Variants in LAMC3 observed in about 807,000 individuals in gnomAD.
LAMC3 encodes laminin subunit gamma-3.
Under a neutral mutation model 173.8 loss-of-function variants are expected in LAMC3, and 128 were observed. The ratio of observed to expected loss-of-function variants is 0.74; its 90% confidence interval spans 0.64 to 0.85. The LOEUF is 0.85. Among genes scored for constraint, LAMC3 ranks in the 40% least tolerant of loss-of-function variants. The probability of loss-of-function intolerance (pLI) is 0.00; values close to 1 mark genes in which losing one functional copy is unlikely to be tolerated. For synonymous variants in LAMC3, 897 were observed against 909.1 expected, an observed-to-expected ratio of 0.99 and a Z score of 0.24; for missense variants, 2,022 against 2,156.0, an observed-to-expected ratio of 0.94 and a Z score of 1.23.
intron 2 of LAMC3, among the ~76,000 whole-genome samples, chr9:131,031,429 C>T (rs1396637882): frequency 1.3e-5 from 2 of 152,326 alleles, no homozygotes; most frequent in Admixed American, 6.5e-5. Context: ...GAACAAGGGG[C>T]CACAAGTCCC....
intron 21 of LAMC3, 48 bp downstream of exon 21, chr9:131,076,013 G>T (rs1376959175): frequency 6.5e-7 from 1 of 1,547,682 alleles, no homozygotes; most frequent in African/African-American, 1.3e-5. Flanking sequence ...TGGCCTCCTG[G>T]AGCCAACAGG....
In LAMC3 at chr9:131,069,653, C is replaced by T; in HGVS notation, c.2891-19C>T. 6.3e-7 allele frequency: 1 copy of T among 1,594,730 alleles called. No homozygotes were observed. Among genetic ancestry groups the T allele is most frequent in the Non-Finnish European group, 8.5e-7 (1 of 1,172,226 alleles). Reference sequence around the variant, plus strand: ...CTGGCCCCTCTAAACCCAGCACGCACTGCCCCTGGCCCCTCTAGCCTGCAG... The same window carrying T: ...CTGGCCCCTCTAAACCCAGCACGCATTGCCCCTGGCCCCTCTAGCCTGCAG... On this transcript the variant is annotated intron_variant, in intron 16 of 27. Transcript: ENST00000361069.
Position 131,068,062 on chromosome 9 carries a change from C to T in LAMC3, c.2594-16C>T. ...TCTGCATTGTTCCCAACACCCCTTCCTGCTCCTGCCCCCAGCTTGCAGCTG... is the reference window on the plus strand; with the variant it reads ...TCTGCATTGTTCCCAACACCCCTTCTTGCTCCTGCCCCCAGCTTGCAGCTG... On this transcript the variant is annotated splice_polypyrimidine_tract_variant and intron_variant, in intron 14 of 27. Coordinates refer to ENST00000361069, the MANE Select transcript of LAMC3 (RefSeq NM_006059.4). 3 of 1,608,030 alleles carry T rather than the reference C, an allele frequency of 1.9e-6. No homozygotes were observed. Among genetic ancestry groups the T allele is most frequent in the Non-Finnish European group, 2.5e-6 (3 of 1,180,008 alleles).
intron 2 of LAMC3, among the ~76,000 whole-genome samples, chr9:131,030,545 A>G (rs184129438): frequency 7.2e-5 from 11 of 152,322 alleles, no homozygotes; most frequent in Admixed American, 5.9e-4. Context: ...TCTGCCATGC[A>G]CTGGCTGTGC....
chr9:131,044,178 C>T (rs981746454), intron 7 of LAMC3, among the ~76,000 whole-genome samples: 10 of 151,700 alleles, frequency 6.6e-5, no homozygotes, highest in African/African-American at 2.4e-4. Flanking sequence ...AGGCTGATCT[C>T]GAACTGACCT....
intron 12 of LAMC3, 110 bp from the exon 13 acceptor site, chr9:131,060,924 AG>A (rs996599812): frequency 7.6e-5 from 82 of 1,078,678 alleles, no homozygotes; most frequent in Non-Finnish European, 9.8e-5. Flanking sequence ...TGCCTGGGAA[AG>A]GTCCCCACCC....
Position 131,026,018 on chromosome 9 carries a change from G to A in LAMC3, c.374-267G>A, listed in dbSNP as rs1445266900. Among the ~76,000 whole-genome samples the A allele has an allele frequency of 6.6e-6, 1 of 152,188 alleles. No individual in the cohort carries two copies. Among genetic ancestry groups the A allele is most frequent in the East Asian group, 1.9e-4 (1 of 5,200 alleles). ...AGCAAACAGAGATGGCTGCCTCTCA[G>A]GGGTGTTGCAACGGAGATTCCTGTG... On this transcript the variant is annotated intron_variant, in intron 1 of 27. Coordinates refer to ENST00000361069, the MANE Select transcript of LAMC3 (RefSeq NM_006059.4). This position sits in a 1 kb window ranked among gnomAD's most constrained non-coding sequence, Gnocchi z 4.8.
chr9:131,056,045 A>T (rs762064765), intron 11 of LAMC3, among the ~76,000 whole-genome samples: 6 of 151,894 alleles, frequency 4.0e-5, no homozygotes, highest in Non-Finnish European at 8.8e-5. Flanking sequence ...AAATTTAAAA[A>T]ATTAGCTGGG....
rs71501242 is a variant in LAMC3 at position 131,046,518 on chromosome 9, A to ATTTTTTTTTTTTTTTTTTTT, written c.1519+865_1519+884dup. On this transcript the variant is annotated intron_variant, in intron 8 of 27. Transcript: ENST00000361069. ...ACCACCATGCCGAGCTAATTTTTGT[A>ATTTTTTTTTTTTTTTTTTTT]TTTTTTTTTTTTTTTTTTTTTTTTT... is the stretch of plus-strand genomic sequence containing the variant. 8.5e-4 allele frequency among the ~76,000 whole-genome samples: 42 copies of ATTTTTTTTTTTTTTTTTTTT among 49,164 alleles called. 8 individuals carry two copies. The highest frequency in any genetic ancestry group is 1.4e-3 in the Admixed American group (4 of 2,768). 32.3% of individuals were successfully genotyped at this position (49,164 alleles called of 152,430 possible).
In LAMC3 at chr9:131,057,008, T is replaced by C. The variant is rs974717789; in HGVS notation, c.2019T>C (p.Cys673=). The C allele has an allele frequency of 2.5e-6, 4 of 1,614,028 alleles. No individual in the cohort carries two copies. The highest frequency in any genetic ancestry group is 3.4e-6 in the Non-Finnish European group (4 of 1,180,048). The change falls in exon 12 of 28, where the codon TGT becomes TGC. Residue 673 remains cysteine, a synonymous_variant. Transcript: ENST00000361069. ...LSPPASWVEI[C]SCPTGYTGQF... is the part of the protein sequence containing the mutation. Reference sequence around the variant, plus strand: ...CGCCAGCCTCCTGGGTGGAGATTTGTTCATGTCCCACTGGCTACACGGGCC... The same window carrying C: ...CGCCAGCCTCCTGGGTGGAGATTTGCTCATGTCCCACTGGCTACACGGGCC...
Position 131,026,711 on chromosome 9 carries a change from T to G in LAMC3, c.678+122T>G. 4 of 1,413,584 alleles carry G rather than the reference T, an allele frequency of 2.8e-6. No individual in the cohort carries two copies. In the South Asian group the frequency reaches 4.6e-5, roughly 16 times the overall value. The allele number at this position is 1,413,584 out of a possible 1,614,324, so 87.6% of individuals were successfully genotyped here. The stretch of plus-strand genomic sequence containing the variant: ...CCTGCAAAACCCCATGGTTTTCTTT[T>G]TCTTCTTTTATTTTTGGAGACTGAG... On this transcript the variant is annotated intron_variant, in intron 2 of 27. Transcript: ENST00000361069. This position sits in a 1 kb window ranked among gnomAD's most constrained non-coding sequence, Gnocchi z 4.8.
Position 131,052,472 on chromosome 9 carries a change from CT to C in LAMC3, c.1631-17del. The C allele has an allele frequency of 6.2e-7, 1 of 1,603,500 alleles. No individual in the cohort carries two copies. Among genetic ancestry groups the C allele is most frequent in the South Asian group, 1.1e-5 (1 of 90,846 alleles). ...CTAACCATATGAAGACTGTCAAAGC[CT>C]TCTTCTCTTGTCTTCAGAGAAGTTC... On this transcript the variant is annotated intron_variant, in intron 9 of 27. Coordinates refer to ENST00000361069, the MANE Select transcript of LAMC3 (RefSeq NM_006059.4).
chr9:131,026,651 A>C lies in LAMC3; in HGVS notation c.678+62A>C. The C allele has an allele frequency of 1.3e-6, 2 of 1,486,594 alleles. No homozygotes were observed. Among genetic ancestry groups the C allele is most frequent in the Admixed American group, 4.4e-5 (2 of 45,498 alleles). 92.1% of individuals were successfully genotyped at this position (1,486,594 alleles called of 1,614,324 possible). ...GTTGGGACTGGGTCACGGCAGTAGG[A>C]GGGTCTGATGTGCCAGGACACACAG... On this transcript the variant is annotated intron_variant, in intron 2 of 27. Transcript: ENST00000361069. The surrounding 1 kb of genome is among the most constrained non-coding windows in gnomAD (Gnocchi z 4.8).
At chr9:131,046,371 T>G (rs972279566) in intron 8 of LAMC3, among the ~76,000 whole-genome samples, 3 of 151,026 alleles carry the variant, frequency 2.0e-5, no homozygotes, top group Admixed American at 1.3e-4. Context: ...CCCGGCTAAT[T>G]TTTATATTTT....
intron 7 of LAMC3, among the ~76,000 whole-genome samples, chr9:131,044,294 G>A (rs1238927888): frequency 6.6e-6 from 1 of 151,410 alleles, no homozygotes; most frequent in South Asian, 2.1e-4. Context: ...GATGGATCAC[G>A]AGGTCAGGAG....
At chr9:131,060,022 G>A (rs567544453) in intron 12 of LAMC3, among the ~76,000 whole-genome samples, 8 of 152,292 alleles carry the variant, frequency 5.3e-5, no homozygotes, top group South Asian at 2.1e-4. Flanking sequence ...CCCTGGCAGC[G>A]GGTCTCCCTT....
intron 13 of LAMC3, among the ~76,000 whole-genome samples, chr9:131,064,435 G>C (rs181692248): frequency 6.8e-6 from 1 of 146,140 alleles, no homozygotes; most frequent in Admixed American, 6.8e-5. Flanking sequence ...AGGCTGAGGC[G>C]GGCAGATCAC....
At chr9:131,085,771 GA>G in intron 25 of LAMC3, 48 bp downstream of exon 25, 1 of 1,583,666 alleles carries the variant, frequency 6.3e-7, no homozygotes. Context: ...CTCCCGGGGG[GA>G]CCGCCCTTCC....
chr9:131,081,913 G>A lies in LAMC3; in HGVS notation c.3928-146G>A, dbSNP rs1830250074. 3 of 680,592 alleles carry A rather than the reference G, an allele frequency of 4.4e-6. No individual in the cohort carries two copies. The South Asian group carries it at 4.7e-5, about 11-fold the overall frequency. 42.2% of individuals were successfully genotyped at this position (680,592 alleles called of 1,614,324 possible). A position where few individuals can be genotyped will look rare whatever the true frequency, so the allele number is the denominator to read the frequency against. On this transcript the variant is annotated intron_variant, in intron 23 of 27. Transcript: ENST00000361069. ...AACTTTTGTATAATAACACAGATCA[G>A]GTGCTCCTGGTGGACAGCGTGACCC...
Sources: gnomAD v4.1 joint callset for allele counts (sites outside exome capture counted in the v4.1 genomes callset) on GRCh38, gnomAD v4.1.1 for gene constraint, Gnocchi (gnomAD v3.1) non-coding constraint, MANE v1.5 for transcripts, NCBI Gene and HGNC (gene_info 2026-07-23, HGNC 2026-07-21) for gene names.